The following ALDH4A1 variants were observed in gnomAD, a reference collection of about 807,000 sequenced individuals.
The protein encoded by ALDH4A1 is aldehyde dehydrogenase 4 family member A1.
In ALDH4A1, 46 loss-of-function variants were observed where a neutral mutation model predicts 70.5. The observed-to-expected ratio is 0.65, with a 90% confidence interval of 0.51 to 0.83. The LOEUF (loss-of-function observed/expected upper bound fraction) is 0.83. ALDH4A1 is among the 40% of genes least tolerant of loss of function. The pLI, the probability that ALDH4A1 is intolerant of heterozygous loss-of-function variation, is 0.00. For missense variants in ALDH4A1, 749 were observed against 766.5 expected (o/e 0.98, Z 0.27); for synonymous variants, 323 against 324.3 (o/e 1.00, Z 0.04).
At chr1:18,883,511 C>T (rs947329776) in intron 5 of ALDH4A1, 83 bp from the exon 6 acceptor site, 64 of 1,588,434 alleles carry the variant, frequency 4.0e-5, no homozygotes, top group South Asian at 6.8e-5. Flanking sequence ...GTGCCCAAAG[C>T]GAGCACTGAG....
At position 18,881,826 on chromosome 1, in the gene ALDH4A1, C is replaced by T. The variant is rs558761793; in HGVS notation, c.740G>A (p.Arg247His). 4 of 1,613,860 alleles carry T rather than the reference C, an allele frequency of 2.5e-6. No homozygotes were observed. The highest frequency in any genetic ancestry group is 3.4e-6 in the Non-Finnish European group (4 of 1,180,020). ...TAMLASYAVYRILREAGLPPN... is the reference protein window; with the variant it reads ...TAMLASYAVYHILREAGLPPN... The stretch of plus-strand genomic sequence containing the variant: ...GGGCAGGCCAGCCTCCCGAAGGATG[C>T]GGTAGACAGCATAGCTGGCCAGCAT... Residue 247 changes from arginine (R) to histidine (H), a missense_variant, in exon 8 of 15, where the codon CGC becomes CAC. Coordinates refer to ENST00000375341, the MANE Select transcript of ALDH4A1 (RefSeq NM_003748.4).
intron 14 of ALDH4A1, among the ~76,000 whole-genome samples, 191 bp from the exon 15 acceptor site, chr1:18,873,148 G>A (rs1449969870): frequency 6.6e-6 from 1 of 152,144 alleles, no homozygotes; most frequent in Non-Finnish European, 1.5e-5. Flanking sequence ...AGTCTGTGGG[G>A]AGCCTCCATT....
chr1:18,881,856 G>T lies in ALDH4A1; in HGVS notation c.710C>A (p.Thr237Asn). The change falls in exon 8 of 15, where the codon ACT becomes AAT. Residue 237 changes from threonine (T) to asparagine (N), a missense_variant. Transcript: ENST00000375341. ...GACAGCATAGCTGGCCAGCATGGCA[G>T]TGTCACTGGGCTTCCATAGGACCAC... ...GNVVLWKPSDTAMLASYAVYR... is the reference protein window; with the variant it reads ...GNVVLWKPSDNAMLASYAVYR... The T allele has an allele frequency of 6.2e-7, 1 of 1,613,780 alleles. No individual in the cohort carries two copies.
intron 1 of ALDH4A1, among the ~76,000 whole-genome samples, chr1:18,895,203 C>T (rs1935576539): frequency 6.6e-6 from 1 of 152,350 alleles, no homozygotes. Flanking sequence ...CAGAGCAGCC[C>T]TCAGTCCTCC....
At chr1:18,889,773 C>G (rs994777136) in intron 2 of ALDH4A1, among the ~76,000 whole-genome samples, 1 of 152,210 alleles carries the variant, frequency 6.6e-6, no homozygotes, top group African/African-American at 2.4e-5. Flanking sequence ...TATAAAACAA[C>G]TAGGTTTATG....
chr1:18,879,281 G>T lies in ALDH4A1; in HGVS notation c.940+19C>A, dbSNP rs369056287. 27 of 1,598,444 alleles carry T rather than the reference G, an allele frequency of 1.7e-5. No homozygotes were observed. The highest frequency in any genetic ancestry group is 2.1e-5 in the Non-Finnish European group (25 of 1,172,368). ...GGTCCCTGGGGCCACACGGGAGGAG[G>T]AGGTGAGGCAGGCCTTACCTCCAGC... On this transcript the variant is annotated intron_variant, in intron 9 of 14. Coordinates refer to ENST00000375341, the MANE Select transcript of ALDH4A1 (RefSeq NM_003748.4).
chr1:18,883,148 GTTGCCGCCGA>G lies in ALDH4A1; in HGVS notation c.644_653del (p.Ile215ThrfsTer8), dbSNP rs1244305795. ...CCATCAGGGCCGGTGCCCCCGCCAG[GTTGCCGCCGA>G]TTGCAGTGAAGTTAAAGGGCGAGAT... On this transcript the variant is annotated frameshift_variant, in exon 7 of 15. Transcript: ENST00000375341. LOFTEE classifies it high-confidence loss of function. The G allele has an allele frequency of 1.9e-6, 3 of 1,613,070 alleles. No homozygotes were observed. The African/African-American group carries it at 4.0e-5, about 22-fold the overall frequency.
chr1:18,873,031 T>C (rs1004737073), intron 14 of ALDH4A1, 74 bp from the exon 15 acceptor site: 1 of 1,308,026 alleles, frequency 7.6e-7, no homozygotes, highest in African/African-American at 1.4e-5. Context: ...GAGGAGATGA[T>C]GGAATCAACG....
chr1:18,872,754 A>G lies in ALDH4A1; in HGVS notation c.*91T>C. 1 of 926,994 alleles carries G rather than the reference A, an allele frequency of 1.1e-6. No homozygotes were observed. The highest frequency in any genetic ancestry group is 1.7e-6 in the Non-Finnish European group (1 of 582,584). 57.4% of individuals were successfully genotyped at this position (926,994 alleles called of 1,614,324 possible). A position where few individuals can be genotyped will look rare whatever the true frequency, so the allele number is the denominator to read the frequency against. On this transcript the variant is annotated 3_prime_UTR_variant, in exon 15 of 15. Coordinates refer to ENST00000375341, the MANE Select transcript of ALDH4A1 (RefSeq NM_003748.4). ...GATTATAGAAAGGCAGCTGTGCATG[A>G]AGAAGGGGTGGAGGGGCTGGAGTGG...
rs1415585237 is a variant in ALDH4A1, at chr1:18,885,461, C to T, written c.453+12G>A. 3 of 1,535,564 alleles carry T rather than the reference C, an allele frequency of 2.0e-6. No individual in the cohort carries two copies. Among genetic ancestry groups the T allele is most frequent in the East Asian group, 4.9e-5 (2 of 40,744 alleles). On this transcript the variant is annotated intron_variant, in intron 5 of 14. Transcript: ENST00000375341. ...ACCCCGCCCCACCCACCCGGGCCCA[C>T]CAGCACCTCACCTGTCCCACCATGG...
At chr1:18,891,262 T>G (rs78346435) in intron 1 of ALDH4A1, among the ~76,000 whole-genome samples, 1,625 of 152,336 alleles carry the variant, frequency 0.011, 27 homozygotes, top group East Asian at 0.062. Context: ...CAAAGGGCAC[T>G]TGAAATTGAC....
At position 18,883,385 on chromosome 1, in the gene ALDH4A1, A is replaced by G. The variant is rs1435042713; in HGVS notation, c.497T>C (p.Leu166Pro). ...GGCATTGAACCGGAAGAAGTCGATG[A>G]GTTCCGCTGCAGCGTCAATCTCCGC... ...IQAEIDAAAE[L>P]IDFFRFNAKY... is the part of the protein sequence containing the mutation. Residue 166 changes from leucine to proline, a missense_variant, in exon 6 of 15, where the codon CTC (leucine) becomes CCC (proline). Leu to Pro is a moderately conservative substitution (Grantham distance 98, BLOSUM62 -3). Coordinates refer to ENST00000375341, the MANE Select transcript of ALDH4A1 (RefSeq NM_003748.4). The G allele has an allele frequency of 1.2e-6, 2 of 1,613,378 alleles. No homozygotes were observed. The highest frequency in any genetic ancestry group is 1.7e-5 in the Admixed American group (1 of 60,010).
chr1:18,892,545 A>G (rs1935473006), intron 1 of ALDH4A1, among the ~76,000 whole-genome samples: 1 of 144,422 alleles, frequency 6.9e-6, no homozygotes, highest in Non-Finnish European at 1.5e-5. Context: ...AGAGCATCCC[A>G]GGTAGAAGGA....
chr1:18,902,165 A>G (rs1385473075), intron 1 of ALDH4A1, among the ~76,000 whole-genome samples: 1 of 152,164 alleles, frequency 6.6e-6, no homozygotes, highest in Non-Finnish European at 1.5e-5. Flanking sequence ...TACAGAGGCT[A>G]CTTTCCGAGC....
rs891334539 is a variant in ALDH4A1 at position 18,872,120 on chromosome 1, T to A, written c.*725A>T. On this transcript the variant is annotated 3_prime_UTR_variant, in exon 15 of 15. Coordinates refer to ENST00000375341, the MANE Select transcript of ALDH4A1 (RefSeq NM_003748.4). ...CATAGGACGAAGGCCCATCCAAGGT[T>A]TTCCAGAATCACGGCCTAAACCGGC... The A allele has an allele frequency of 3.9e-5, 6 of 152,420 alleles. No individual in the cohort carries two copies. Among genetic ancestry groups the A allele is most frequent in the African/African-American group, 1.4e-4 (6 of 41,460 alleles). 9.4% of individuals were successfully genotyped at this position (152,420 alleles called of 1,614,324 possible).
intron 3 of ALDH4A1, among the ~76,000 whole-genome samples, chr1:18,886,756 G>T (rs1935220705): frequency 1.3e-5 from 2 of 152,196 alleles, no homozygotes; most frequent in Non-Finnish European, 1.5e-5. Flanking sequence ...GAGTCCAGGA[G>T]AAAGGCATAG....
intron 1 of ALDH4A1, among the ~76,000 whole-genome samples, chr1:18,899,319 C>A (rs962290482): frequency 1.3e-5 from 2 of 152,180 alleles, no homozygotes; most frequent in Non-Finnish European, 2.9e-5. Context: ...AGTCCAAAAC[C>A]ACCCAGGATC....
At chr1:18,878,615 G>T (rs1934828320) in intron 9 of ALDH4A1, among the ~76,000 whole-genome samples, 1 of 152,158 alleles carries the variant, frequency 6.6e-6, no homozygotes, top group African/African-American at 2.4e-5. Flanking sequence ...TGGTCCATGG[G>T]GGTCTTTGCA....
rs908430651 is a variant in ALDH4A1, at chr1:18,898,775, G to A, written c.62+3687C>T. Reference sequence around the variant, plus strand: ...GTTCTGGACCATCTCAACAGCAACCGTTCAACGCCTACTGTGTGCCGGGCC... The same window carrying A: ...GTTCTGGACCATCTCAACAGCAACCATTCAACGCCTACTGTGTGCCGGGCC... On this transcript the variant is annotated intron_variant, in intron 1 of 14. Transcript: ENST00000375341. The surrounding 1 kb of genome is among the most constrained non-coding windows in gnomAD (Gnocchi z 4.3). Among the ~76,000 whole-genome samples, 4 of 152,220 alleles carry A rather than the reference G, an allele frequency of 2.6e-5. No homozygotes were observed. The highest frequency in any genetic ancestry group is 5.9e-5 in the Non-Finnish European group (4 of 68,036).
Sources: gnomAD v4.1 joint callset for allele counts (sites outside exome capture counted in the v4.1 genomes callset) on GRCh38, gnomAD v4.1.1 for gene constraint, Gnocchi (gnomAD v3.1) non-coding constraint, MANE v1.5 for transcripts, NCBI Gene and HGNC (gene_info 2026-07-23, HGNC 2026-07-21) for gene names.